Variants in CELF2 observed in about 807,000 individuals in gnomAD.
The protein encoded by CELF2 is CUGBP Elav-like family member 2.
CELF2 carries 8 observed loss-of-function variants against 62.6 expected under a neutral mutation model. The observed-to-expected ratio is 0.13, with a 90% CI of 0.07 to 0.23. The LOEUF (loss-of-function observed/expected upper bound fraction) is 0.23, where lower values mean the gene tolerates loss of function less well. Among genes scored for constraint, CELF2 ranks in the 10% least tolerant of loss-of-function variants. The pLI is 1.00. For missense variants in CELF2, 333 were observed against 671.0 expected (o/e 0.50, Z 5.56); for synonymous variants, 258 against 250.0 (o/e 1.03, Z -0.30).
chr10:11,236,839 G>A (rs1030408730), intron 3 of CELF2, among the ~76,000 whole-genome samples: 1 of 152,224 alleles, frequency 6.6e-6, no homozygotes, highest in African/African-American at 2.4e-5. Context: ...GTGCCGTTGT[G>A]TGGATAAACA....
the CELF2 span, among the ~76,000 whole-genome samples, chr10:10,642,631 G>T: frequency 6.6e-6 from 1 of 152,206 alleles, no homozygotes; most frequent in African/African-American, 2.4e-5. Flanking sequence ...AAATGTTACA[G>T]GGCACTCATA....
intron 1 of CELF2, among the ~76,000 whole-genome samples, chr10:10,808,739 C>T (rs1032434741): frequency 6.6e-6 from 1 of 152,092 alleles, no homozygotes; most frequent in South Asian, 2.1e-4. Flanking sequence ...CAACATGAAA[C>T]ACAGAAAATT....
chr10:11,181,464 G>T (rs751044266), intron 2 of CELF2, among the ~76,000 whole-genome samples: 21 of 152,100 alleles, frequency 1.4e-4, no homozygotes, highest in Non-Finnish European at 2.2e-4. Flanking sequence ...CTTGGATTTC[G>T]TGCTCCCATG....
the CELF2 span, among the ~76,000 whole-genome samples, chr10:10,775,462 T>G: frequency 2.0e-5 from 3 of 152,018 alleles, no homozygotes; most frequent in Admixed American, 6.6e-5. Context: ...AAACCCAGTC[T>G]CTACTAAAAC....
chr10:11,020,109 TTTGC>T (rs2058066551), intron 1 of CELF2, among the ~76,000 whole-genome samples: 2 of 152,236 alleles, frequency 1.3e-5, no homozygotes, highest in African/African-American at 2.4e-5. Flanking sequence ...GTTCAAGCGA[TTTGC>T]TCTGAACTGA....
rs971065858 is a variant in CELF2, at chr10:10,928,937, A to G, written c.89+8938A>G. 3.3e-5 allele frequency among the ~76,000 whole-genome samples: 5 copies of G among 152,218 alleles called. No homozygotes were observed. The highest frequency in any genetic ancestry group is 1.2e-4 in the African/African-American group (5 of 41,458). ...TTTGACCGTCTGAATAGATGTTTAA[A>G]TGAATTAATAAGTGTTTGAATGGAT... On this transcript the variant is annotated intron_variant, in intron 2 of 13. Transcript: ENST00000636488. The surrounding 1 kb of genome is among the most constrained non-coding windows in gnomAD (Gnocchi z 4.8).
intron 1 of CELF2, among the ~76,000 whole-genome samples, chr10:11,129,511 C>A (rs1404450392): frequency 6.6e-6 from 1 of 151,986 alleles, no homozygotes; most frequent in Non-Finnish European, 1.5e-5. Context: ...CTGGTCCTGG[C>A]CTTTTTTTGG....
the CELF2 span, among the ~76,000 whole-genome samples, chr10:10,590,384 C>T: frequency 1.3e-5 from 2 of 152,162 alleles, no homozygotes; most frequent in African/African-American, 4.8e-5. Flanking sequence ...AAAATGCACC[C>T]TGAAGCCAGA....
the CELF2 span, among the ~76,000 whole-genome samples, chr10:10,474,033 G>A: frequency 6.6e-6 from 1 of 151,994 alleles, no homozygotes; most frequent in Non-Finnish European, 1.5e-5. Context: ...TCCTATAGGT[G>A]GTCAAGGAAG....
the CELF2 span, among the ~76,000 whole-genome samples, chr10:10,770,738 A>G: frequency 6.7e-6 from 1 of 148,232 alleles, no homozygotes; most frequent in African/African-American, 2.5e-5. Context: ...TATTCATTCT[A>G]TATCTCATGA....
At chr10:10,628,091 C>G in the CELF2 span, among the ~76,000 whole-genome samples, 1 of 152,014 alleles carries the variant, frequency 6.6e-6, no homozygotes, top group Non-Finnish European at 1.5e-5. Context: ...TTAGTAGAGA[C>G]AGGGTTTTGC....
At chr10:10,875,149 C>G (rs1032239606) in intron 1 of CELF2, among the ~76,000 whole-genome samples, 3 of 152,176 alleles carry the variant, frequency 2.0e-5, no homozygotes, top group Non-Finnish European at 4.4e-5. Flanking sequence ...CGTTCTTCAT[C>G]TCTTCAATGT....
the CELF2 span, among the ~76,000 whole-genome samples, chr10:10,618,299 C>T: frequency 6.6e-6 from 1 of 152,100 alleles, no homozygotes; most frequent in Non-Finnish European, 1.5e-5. Context: ...TGCTTCTTCC[C>T]ATCCAGCCTC....
chr10:11,048,901 C>G (rs1048033227), intron 1 of CELF2, among the ~76,000 whole-genome samples: 1 of 152,146 alleles, frequency 6.6e-6, no homozygotes, highest in Non-Finnish European at 1.5e-5. Flanking sequence ...TGACAGGGAG[C>G]ACAACATCAT....
At chr10:11,262,905 C>T (rs1458837600) in intron 5 of CELF2, among the ~76,000 whole-genome samples, 2 of 131,846 alleles carry the variant, frequency 1.5e-5, no homozygotes, top group Non-Finnish European at 3.2e-5. Context: ...AAGCAAGAGG[C>T]CCTGGCATTG....
At chr10:10,908,875 C>T (rs1416962232) in intron 1 of CELF2, among the ~76,000 whole-genome samples, 1 of 152,176 alleles carries the variant, frequency 6.6e-6, no homozygotes, top group Non-Finnish European at 1.5e-5. Context: ...TCACCTTCCA[C>T]CTCCCAGATT....
intron 4 of CELF2, among the ~76,000 whole-genome samples, chr10:11,251,033 A>C (rs1256689625): frequency 6.6e-6 from 1 of 152,136 alleles, no homozygotes; most frequent in Non-Finnish European, 1.5e-5. Flanking sequence ...TTTTGGGATG[A>C]ATCCTGTTGG....
rs2066470894 is a variant in CELF2, at chr10:10,934,925, T to C, written c.89+14926T>C. 6.6e-6 allele frequency: 1 copy of C among 152,196 alleles called. No individual in the cohort carries two copies. Among genetic ancestry groups the C allele is most frequent in the African/African-American group, 2.4e-5 (1 of 41,448 alleles). 9.4% of individuals were successfully genotyped at this position (152,196 alleles called of 1,614,324 possible). ...GAGATTCCTTAAGAAAAAATAATGTTACTGCAGAGATAAATGCAATACTCA... is the reference window on the plus strand; with the variant it reads ...GAGATTCCTTAAGAAAAAATAATGTCACTGCAGAGATAAATGCAATACTCA... On this transcript the variant is annotated intron_variant, in intron 2 of 13. Transcript: ENST00000636488. This position sits in a 1 kb window ranked among gnomAD's most constrained non-coding sequence, Gnocchi z 4.4.
the CELF2 span, among the ~76,000 whole-genome samples, chr10:10,666,868 AAAAAAAAAAAAG>A: frequency 1.7e-4 from 26 of 149,968 alleles, 4 homozygotes; most frequent in African/African-American, 5.9e-4. Flanking sequence ...TCTCAAAAAA[AAAAAAAAAAAAG>A]AAAAAAAAAA....
Sources: allele counts gnomAD v4.1 joint callset (sites outside exome capture counted in the v4.1 genomes callset), GRCh38; gene constraint gnomAD v4.1.1; non-coding constraint Gnocchi (gnomAD v3.1); transcripts MANE v1.5; gene names NCBI Gene and HGNC (gene_info 2026-07-23, HGNC 2026-07-21).